The following INPP5A variants were observed in gnomAD, a reference collection of about 807,000 sequenced individuals.
INPP5A encodes 43 kDa inositol polyphosphate 5-phophatase.
In INPP5A, 14 loss-of-function variants were observed where a neutral mutation model predicts 65.2. The observed-to-expected ratio is 0.21, with a 90% CI of 0.14 to 0.34. The LOEUF is 0.34. Among genes scored for constraint, INPP5A ranks in the 10% least tolerant of loss-of-function variants. The pLI, the probability that INPP5A is intolerant of heterozygous loss-of-function variation, is 1.00. For synonymous variants in INPP5A, 207 were observed against 208.3 expected, an observed-to-expected ratio of 0.99 and a Z score of 0.05; for missense variants, 431 against 545.6, an observed-to-expected ratio of 0.79 and a Z score of 2.09.
chr10:132,714,358 C>A (rs575152145), intron 8 of INPP5A, among the ~76,000 whole-genome samples: 1 of 152,362 alleles, frequency 6.6e-6, no homozygotes, highest in South Asian at 2.1e-4. Context: ...GGCTGCTAAC[C>A]TCTTGGCAGC....
At chr10:132,711,551 C>A (rs148891108) in intron 8 of INPP5A, among the ~76,000 whole-genome samples, 1 of 152,162 alleles carries the variant, frequency 6.6e-6, no homozygotes, top group Non-Finnish European at 1.5e-5. Flanking sequence ...CATTCTGCTC[C>A]CTAGAGGGCC....
intron 1 of INPP5A, among the ~76,000 whole-genome samples, chr10:132,579,684 C>G (rs2071457043): frequency 6.6e-6 from 1 of 152,258 alleles, no homozygotes; most frequent in South Asian, 2.1e-4. Context: ...GTAGGTGGGG[C>G]CTCAGTGAGG....
chr10:132,742,002 A>G (rs1357270670), intron 9 of INPP5A, among the ~76,000 whole-genome samples: 3 of 152,144 alleles, frequency 2.0e-5, no homozygotes, highest in African/African-American at 4.8e-5. Context: ...GTGGGACAGG[A>G]GGTGTCCTCA....
chr10:132,688,422 A>G (rs1393316714), intron 4 of INPP5A, among the ~76,000 whole-genome samples: 1 of 152,204 alleles, frequency 6.6e-6, no homozygotes, highest in Non-Finnish European at 1.5e-5. Context: ...TGGGACGTTT[A>G]GCTTGGGCCA....
At chr10:132,710,494 G>A in intron 8 of INPP5A, 38 bp downstream of exon 8, 1 of 1,602,284 alleles carries the variant, frequency 6.2e-7, no homozygotes, top group Non-Finnish European at 8.5e-7. Context: ...GGCCGGGCAA[G>A]TAGGTGTGCT....
At chr10:132,585,376 G>A (rs1036342174) in intron 1 of INPP5A, among the ~76,000 whole-genome samples, 2 of 152,182 alleles carry the variant, frequency 1.3e-5, no homozygotes, top group African/African-American at 4.8e-5. Flanking sequence ...GCGCGAGTGC[G>A]AGCACATTCA....
chr10:132,766,720 G>T (rs1413554192), intron 12 of INPP5A, among the ~76,000 whole-genome samples: 1 of 152,274 alleles, frequency 6.6e-6, no homozygotes, highest in African/African-American at 2.4e-5. Flanking sequence ...GTGTGCCTGG[G>T]TGTGGATGTT....
At chr10:132,778,302 A>ATT (rs57172206) in intron 13 of INPP5A, among the ~76,000 whole-genome samples, 1,541 of 72,978 alleles carry the variant, frequency 0.021, 85 homozygotes, top group African/African-American at 0.042. Flanking sequence ...TTTAATAATA[A>ATT]TTTTTTTTTT....
chr10:132,671,078 GTCTC>G (rs2072883797), intron 4 of INPP5A, among the ~76,000 whole-genome samples: 1 of 151,948 alleles, frequency 6.6e-6, no homozygotes, highest in Admixed American at 6.6e-5. Flanking sequence ...AAAAGAGAAG[GTCTC>G]TCTTTCATAT....
intron 1 of INPP5A, among the ~76,000 whole-genome samples, chr10:132,579,240 C>T (rs919075876): frequency 2.0e-5 from 3 of 149,546 alleles, no homozygotes; most frequent in Non-Finnish European, 1.5e-5. Context: ...GGGCCGGTGA[C>T]GGAGGGGACC....
At chr10:132,738,085 C>G (rs1846209125) in intron 9 of INPP5A, among the ~76,000 whole-genome samples, 1 of 152,208 alleles carries the variant, frequency 6.6e-6, no homozygotes, top group South Asian at 2.1e-4. Flanking sequence ...GTTTTTTGGA[C>G]TCACTCCTAA....
chr10:132,627,846 G>A lies in INPP5A; in HGVS notation c.118-18022G>A, dbSNP rs1053945446. On this transcript the variant is annotated intron_variant, in intron 2 of 15. Coordinates refer to ENST00000368594, the MANE Select transcript of INPP5A (RefSeq NM_005539.5). The surrounding 1 kb of genome is among the most constrained non-coding windows in gnomAD (Gnocchi z 6.6). ...ACCTTTGGTTGGAGTATTGGAAACC[G>A]GGAGGGGTGAGGCCGTGGAGAGAGC... is the stretch of plus-strand genomic sequence containing the variant. Among the ~76,000 whole-genome samples, 5 of 152,134 alleles carry A rather than the reference G, an allele frequency of 3.3e-5. No individual in the cohort carries two copies. Among genetic ancestry groups the A allele is most frequent in the African/African-American group, 7.2e-5 (3 of 41,418 alleles).
At position 132,547,711 on chromosome 10, in the gene INPP5A, C is replaced by T. The variant is rs1590819747; in HGVS notation, c.75+9540C>T. On this transcript the variant is annotated intron_variant, in intron 1 of 15. Coordinates refer to ENST00000368594, the MANE Select transcript of INPP5A (RefSeq NM_005539.5). This position sits in a 1 kb window ranked among gnomAD's most constrained non-coding sequence, Gnocchi z 5.5. ...CAAAGGGTTCCTCCGGGACGCCTCG[C>T]CTAGGCAAGCAGGGTTTTCCTCCTT... Among the ~76,000 whole-genome samples the T allele has an allele frequency of 6.6e-6, 1 of 152,116 alleles. No homozygotes were observed. The highest frequency in any genetic ancestry group is 1.5e-5 in the Non-Finnish European group (1 of 68,018).
intron 1 of INPP5A, among the ~76,000 whole-genome samples, chr10:132,541,331 A>G: frequency 6.6e-6 from 1 of 152,146 alleles, no homozygotes; most frequent in African/African-American, 2.4e-5. Context: ...TGTGGTTTGT[A>G]GCATCCTGGG....
intron 2 of INPP5A, among the ~76,000 whole-genome samples, chr10:132,621,152 C>T (rs546801266): frequency 6.6e-6 from 1 of 152,266 alleles, no homozygotes; most frequent in East Asian, 1.9e-4. Flanking sequence ...CTACAGAGCC[C>T]CACAGCTCAT....
At chr10:132,608,079 G>A (rs2071883279) in intron 2 of INPP5A, 123 bp downstream of exon 2, 1 of 849,854 alleles carries the variant, frequency 1.2e-6, no homozygotes, top group Non-Finnish European at 2.0e-6. Flanking sequence ...GGCTGTGGCT[G>A]GGTCTCTCGG....
intron 2 of INPP5A, among the ~76,000 whole-genome samples, chr10:132,630,569 T>C (rs1235833853): frequency 2.0e-5 from 3 of 150,076 alleles, no homozygotes; most frequent in African/African-American, 7.5e-5. Context: ...AAGACATCCA[T>C]GAGAGGAAGA....
intron 6 of INPP5A, among the ~76,000 whole-genome samples, chr10:132,703,459 T>A (rs1180759171): frequency 1.2e-5 from 1 of 85,366 alleles, no homozygotes; most frequent in Non-Finnish European, 2.2e-5. Context: ...CACACATGCT[T>A]CACCCACAGA....
At chr10:132,712,194 C>T (rs1241156361) in intron 8 of INPP5A, among the ~76,000 whole-genome samples, 1 of 152,224 alleles carries the variant, frequency 6.6e-6, no homozygotes, top group Non-Finnish European at 1.5e-5. Context: ...GTTCAGTGTG[C>T]ATGTGTGTGC....
Sources: gnomAD v4.1 joint callset for allele counts (sites outside exome capture counted in the v4.1 genomes callset) on GRCh38, gnomAD v4.1.1 for gene constraint, Gnocchi (gnomAD v3.1) non-coding constraint, MANE v1.5 for transcripts, NCBI Gene and HGNC (gene_info 2026-07-23, HGNC 2026-07-21) for gene names.